ARL15: variants seen among roughly 807,000 people sequenced by gnomAD.
ARL15 encodes the protein ARF like GTPase 15, also known as ADP-ribosylation factor-like protein 15.
Under a neutral mutation model 25.2 loss-of-function variants are expected in ARL15, and 19 were observed. That is an observed-to-expected ratio of 0.75 (90% CI 0.53 to 1.10). ARL15 has a LOEUF of 1.10. ARL15 is among the 50% of genes least tolerant of loss of function. The probability of loss-of-function intolerance (pLI) is 0.00; values close to 1 mark genes in which losing one functional copy is unlikely to be tolerated. For missense variants in ARL15, 220 were observed against 246.0 expected (o/e 0.89, Z 0.71); for synonymous variants, 94 against 86.8 (o/e 1.08, Z -0.46).
At chr5:54,272,182 C>A (rs1219061928) in intron 1 of ARL15, among the ~76,000 whole-genome samples, 1 of 131,712 alleles carries the variant, frequency 7.6e-6, no homozygotes, top group East Asian at 2.4e-4. Context: ...AAACTCCTGG[C>A]CTTAAAGCGA....
At chr5:54,252,929 T>C (rs1441066283) in intron 1 of ARL15, among the ~76,000 whole-genome samples, 3 of 152,084 alleles carry the variant, frequency 2.0e-5, no homozygotes, top group Non-Finnish European at 4.4e-5. Flanking sequence ...TTTGCCATGT[T>C]GCCCAGGCTG....
intron 2 of ARL15, among the ~76,000 whole-genome samples, chr5:54,157,764 T>C (rs277330): frequency 0.21 from 31,861 of 152,136 alleles, 4,066 homozygotes; most frequent in East Asian, 0.68. Context: ...TAGTCGTAAA[T>C]GTTTTCTCCA....
intron 4 of ARL15, among the ~76,000 whole-genome samples, chr5:53,926,077 G>T (rs753505744): frequency 5.6e-5 from 8 of 141,888 alleles, no homozygotes; most frequent in Non-Finnish European, 1.2e-4. Flanking sequence ...ATACATCATC[G>T]CAATCCAAGT....
Position 53,886,692 on chromosome 5 carries a change from C to G in ARL15, c.484G>C (p.Glu162Gln), listed in dbSNP as rs761221301. 7 of 1,560,480 alleles carry G rather than the reference C, an allele frequency of 4.5e-6. No homozygotes were observed. The East Asian group carries it at 1.2e-4, about 26-fold the overall frequency. The change falls in exon 5 of 5, where the codon GAA becomes CAA. Residue 162 changes from glutamate to glutamine, a missense_variant. By Grantham distance (29) the Glu-to-Gln change is conservative. Transcript: ENST00000504924. ...VQEIKKYFEL[E>Q]PLARGKRWIL... is the part of the protein sequence containing the mutation. The stretch of plus-strand genomic sequence containing the variant: ...CAGCGTTTTCCACGTGCAAGTGGTT[C>G]AAGTTCAAAATATTTTTTGATCTTA...
intron 4 of ARL15, among the ~76,000 whole-genome samples, chr5:53,953,647 T>C (rs1487467814): frequency 6.6e-6 from 1 of 152,026 alleles, no homozygotes; most frequent in Non-Finnish European, 1.5e-5. Context: ...TAGGGATGGG[T>C]AGAGGCAGGG....
chr5:54,072,607 A>G (rs1313917105), intron 4 of ARL15, among the ~76,000 whole-genome samples: 2 of 152,146 alleles, frequency 1.3e-5, no homozygotes, highest in African/African-American at 2.4e-5. Context: ...TTCTCTAGGG[A>G]AAAAAATGCC....
intron 4 of ARL15, among the ~76,000 whole-genome samples, chr5:54,033,580 G>A (rs1750066768): frequency 6.6e-6 from 1 of 151,284 alleles, no homozygotes; most frequent in Non-Finnish European, 1.5e-5. Context: ...GCTGAGGCAG[G>A]AGAATTGCTT....
chr5:54,037,542 A>T (rs528937080), intron 4 of ARL15, among the ~76,000 whole-genome samples: 1 of 152,256 alleles, frequency 6.6e-6, no homozygotes, highest in Admixed American at 6.5e-5. Flanking sequence ...AGTTTACGTG[A>T]TGTCTAATGC....
chr5:53,947,170 GTGTGTGTGTGTGTGT>G (rs1746771407), intron 4 of ARL15, among the ~76,000 whole-genome samples: 7 of 45,400 alleles, frequency 1.5e-4, no homozygotes, highest in African/African-American at 5.6e-4. Flanking sequence ...AAATAAGGGT[GTGTGTGTGTGTGTGT>G]GTGTGTGTGT....
At chr5:54,236,713 C>T (rs1413077814) in intron 1 of ARL15, among the ~76,000 whole-genome samples, 1 of 152,198 alleles carries the variant, frequency 6.6e-6, no homozygotes, top group African/African-American at 2.4e-5. Flanking sequence ...CCAGTGCATA[C>T]ATTCATTTAA....
At chr5:54,086,548 T>G (rs1425875901) in intron 4 of ARL15, among the ~76,000 whole-genome samples, 1 of 152,106 alleles carries the variant, frequency 6.6e-6, no homozygotes, top group Non-Finnish European at 1.5e-5. Context: ...AAGTGGTGAT[T>G]GTTGACTCTA....
At chr5:54,062,517 G>GAAAAA (rs71577097) in intron 4 of ARL15, among the ~76,000 whole-genome samples, 1,752 of 113,250 alleles carry the variant, frequency 0.015, 12 homozygotes, top group Admixed American at 0.023. Flanking sequence ...GGTGGTTAAG[G>GAAAAA]AAAAAAAAAA....
chr5:54,198,045 C>T (rs1025802050), intron 1 of ARL15, among the ~76,000 whole-genome samples: 1 of 151,922 alleles, frequency 6.6e-6, no homozygotes, highest in African/African-American at 2.4e-5. Flanking sequence ...AGACAAAAAC[C>T]ACATGATTAT....
At chr5:53,925,495 C>T (rs1745990302) in intron 4 of ARL15, among the ~76,000 whole-genome samples, 1 of 152,164 alleles carries the variant, frequency 6.6e-6, no homozygotes, top group Admixed American at 6.5e-5. Flanking sequence ...CTGTGCCTGG[C>T]CTTTCATACA....
At chr5:54,271,603 C>A (rs1757785758) in intron 1 of ARL15, among the ~76,000 whole-genome samples, 1 of 151,986 alleles carries the variant, frequency 6.6e-6, no homozygotes, top group African/African-American at 2.4e-5. Flanking sequence ...AATCTACTGA[C>A]CATATATATA....
At chr5:54,096,570 C>T (rs924334917) in intron 4 of ARL15, among the ~76,000 whole-genome samples, 2 of 152,192 alleles carry the variant, frequency 1.3e-5, no homozygotes, top group Admixed American at 6.5e-5. Flanking sequence ...GCCACCACAC[C>T]CAGCTAATTT....
intron 1 of ARL15, among the ~76,000 whole-genome samples, chr5:54,259,703 G>A (rs16882537): frequency 0.048 from 7,341 of 152,192 alleles, 426 homozygotes; most frequent in African/African-American, 0.14. Context: ...AGAACATACA[G>A]GCATAAAGAA....
intron 3 of ARL15, among the ~76,000 whole-genome samples, chr5:54,125,721 A>G (rs1490069317): frequency 6.6e-6 from 1 of 152,192 alleles, no homozygotes; most frequent in African/African-American, 2.4e-5. Context: ...TGTTAATTCT[A>G]TGTTTAACTT....
chr5:53,928,488 G>A (rs1746099595), intron 4 of ARL15, among the ~76,000 whole-genome samples: 1 of 152,124 alleles, frequency 6.6e-6, no homozygotes, highest in African/African-American at 2.4e-5. Flanking sequence ...GAAAGGAAGA[G>A]GCTTTGCCAA....
Sources: gnomAD v4.1 joint callset for allele counts (sites outside exome capture counted in the v4.1 genomes callset) on GRCh38, gnomAD v4.1.1 for gene constraint, MANE v1.5 for transcripts, NCBI Gene and HGNC (gene_info 2026-07-23, HGNC 2026-07-21) for gene names.